Variants in HS2ST1 observed in about 807,000 individuals in gnomAD.
The protein encoded by HS2ST1 is heparan sulfate 2-O-sulfotransferase 1.
Under a neutral mutation model 42.9 loss-of-function variants are expected in HS2ST1, and 18 were observed. The ratio of observed to expected loss-of-function variants is 0.42; its 90% CI spans 0.29 to 0.62. The LOEUF is 0.62. HS2ST1 is among the 20% of genes least tolerant of loss of function. HS2ST1 has a pLI of 0.21. For synonymous variants in HS2ST1, 146 were observed against 152.9 expected (o/e 0.95, Z 0.33); for missense variants, 334 against 433.8 (o/e 0.77, Z 2.04).
intron 1 of HS2ST1, among the ~76,000 whole-genome samples, chr1:87,016,480 T>C (rs1423886534): frequency 6.6e-6 from 1 of 152,184 alleles, no homozygotes. Flanking sequence ...CCTTTCTCTC[T>C]CTCTCCTGGC....
rs147039703 is a variant in HS2ST1 at position 86,976,704 on chromosome 1, G to GTATATA, written c.124+61556_124+61561dup. Reference sequence around the variant, plus strand: ...AAATCCATCTTTTCTTTATAAAATTGTATATATATATATATATTTTAAATG... The same window carrying GTATATA: ...AAATCCATCTTTTCTTTATAAAATTGTATATATATATATATATATATATTTTAAATG... On this transcript the variant is annotated intron_variant, in intron 1 of 6. Transcript: ENST00000370550. Among the ~76,000 whole-genome samples, 373 of 79,696 alleles carry GTATATA rather than the reference G, an allele frequency of 4.7e-3. 24 individuals carry two copies. The highest frequency in any genetic ancestry group is 0.011 in the African/African-American group (309 of 28,286). 52.3% of individuals were successfully genotyped at this position (79,696 alleles called of 152,430 possible).
chr1:86,962,526 C>G (rs1291677161), intron 1 of HS2ST1, among the ~76,000 whole-genome samples: 5 of 152,208 alleles, frequency 3.3e-5, no homozygotes, highest in African/African-American at 1.2e-4. Flanking sequence ...AGAATCGAGC[C>G]TCCCCTTGAA....
At chr1:86,969,490 A>G (rs1648166106) in intron 1 of HS2ST1, among the ~76,000 whole-genome samples, 1 of 152,168 alleles carries the variant, frequency 6.6e-6, no homozygotes. Flanking sequence ...GGTTGGAATG[A>G]TCTAATGGTT....
chr1:87,077,725 A>G (rs971336991), intron 2 of HS2ST1, among the ~76,000 whole-genome samples: 1 of 152,228 alleles, frequency 6.6e-6, no homozygotes, highest in African/African-American at 2.4e-5. Context: ...AGTAGAAACT[A>G]TACATTTTTT....
chr1:87,065,439 C>G (rs1007371411), intron 1 of HS2ST1, among the ~76,000 whole-genome samples: 2 of 152,210 alleles, frequency 1.3e-5, no homozygotes, highest in African/African-American at 4.8e-5. Flanking sequence ...TTGATTTCTA[C>G]TTGCCTTTGA....
chr1:86,925,153 A>G lies in HS2ST1; in HGVS notation c.124+9993A>G, dbSNP rs184304605. On this transcript the variant is annotated intron_variant, in intron 1 of 6. Coordinates refer to ENST00000370550, the MANE Select transcript of HS2ST1 (RefSeq NM_012262.4). The stretch of plus-strand genomic sequence containing the variant: ...AAATGCTGCCAGTCTCTTTTCTAAA[A>G]CATAACAAGAGCCACCTTTGCTCCA... Among the ~76,000 whole-genome samples, 315 of 152,266 alleles carry G rather than the reference A, an allele frequency of 2.1e-3. 1 individual carries two copies. The highest frequency in any genetic ancestry group is 6.8e-3 in the Middle Eastern group (2 of 294).
intron 1 of HS2ST1, among the ~76,000 whole-genome samples, chr1:86,920,557 G>A (rs1660270944): frequency 6.6e-6 from 1 of 152,134 alleles, no homozygotes; most frequent in African/African-American, 2.4e-5. Flanking sequence ...ACCTGAAATA[G>A]TTGATCTCAA....
In HS2ST1 at chr1:87,025,056, C is replaced by A. The variant is rs1323946469; in HGVS notation, c.125-47878C>A. Among the ~76,000 whole-genome samples, 3 of 152,190 alleles carry A rather than the reference C, an allele frequency of 2.0e-5. No individual in the cohort carries two copies. The East Asian group carries it at 5.8e-4, about 29-fold the overall frequency. On this transcript the variant is annotated intron_variant, in intron 1 of 6. Coordinates refer to ENST00000370550, the MANE Select transcript of HS2ST1 (RefSeq NM_012262.4). The stretch of plus-strand genomic sequence containing the variant: ...TAAAACAGAAATTCACTATGCATTT[C>A]AGTGAGGGACTATAACATAGAGAAT...
chr1:86,993,077 T>G (rs761211159), intron 1 of HS2ST1: 28 of 1,594,430 alleles, frequency 1.8e-5, no homozygotes, highest in Non-Finnish European at 2.2e-5. Context: ...AAGTCTTTCC[T>G]GTACATGCTG....
At chr1:87,007,090 A>G (rs1022477540) in intron 1 of HS2ST1, among the ~76,000 whole-genome samples, 1 of 152,090 alleles carries the variant, frequency 6.6e-6, no homozygotes, top group Non-Finnish European at 1.5e-5. Flanking sequence ...CAAGTTCTGT[A>G]TAGATTATAC....
At chr1:86,917,518 C>CAAA (rs5775926) in intron 1 of HS2ST1, among the ~76,000 whole-genome samples, 12,605 of 131,278 alleles carry the variant, frequency 0.096, 623 homozygotes, top group Non-Finnish European at 0.13. Flanking sequence ...GACTCAGTCT[C>CAAA]AAAAAAAAAA....
chr1:87,087,544 G>A (rs890140955), intron 3 of HS2ST1, among the ~76,000 whole-genome samples: 1 of 151,960 alleles, frequency 6.6e-6, no homozygotes, highest in Non-Finnish European at 1.5e-5. Context: ...GCTATGTCAC[G>A]ACAAGAAACA....
intron 1 of HS2ST1, among the ~76,000 whole-genome samples, chr1:86,976,698 A>G (rs940951586): frequency 4.6e-5 from 6 of 130,714 alleles, no homozygotes; most frequent in African/African-American, 1.7e-4. Context: ...TTTTCTTTAT[A>G]AAATTGTATA....
intron 1 of HS2ST1, among the ~76,000 whole-genome samples, chr1:86,948,852 G>A (rs532280312): frequency 1.3e-5 from 2 of 152,170 alleles, no homozygotes; most frequent in African/African-American, 4.8e-5. Flanking sequence ...GTTCAAGAGA[G>A]CTCTGCTATA....
At chr1:86,930,529 G>A (rs980843994) in intron 1 of HS2ST1, among the ~76,000 whole-genome samples, 2 of 151,796 alleles carry the variant, frequency 1.3e-5, no homozygotes, top group Admixed American at 6.6e-5. Flanking sequence ...TTAAGCATAC[G>A]TTAGTCTGGG....
At chr1:87,062,812 T>C (rs1651149798) in intron 1 of HS2ST1, among the ~76,000 whole-genome samples, 1 of 152,208 alleles carries the variant, frequency 6.6e-6, no homozygotes, top group Admixed American at 6.5e-5. Flanking sequence ...GGTATACGAT[T>C]ATTTTATTTC....
intron 1 of HS2ST1, among the ~76,000 whole-genome samples, chr1:87,068,627 T>G (rs1651314596): frequency 6.6e-6 from 1 of 152,196 alleles, no homozygotes; most frequent in Non-Finnish European, 1.5e-5. Context: ...GGCATCTTTG[T>G]CTTGCACCGG....
At chr1:86,929,291 A>T (rs534136215) in intron 1 of HS2ST1, among the ~76,000 whole-genome samples, 12 of 151,962 alleles carry the variant, frequency 7.9e-5, no homozygotes, top group African/African-American at 2.9e-4. Flanking sequence ...TTGGTGCTGT[A>T]GTTTTTCCCA....
At chr1:86,986,938 C>G (rs549741405) in intron 1 of HS2ST1, among the ~76,000 whole-genome samples, 1 of 152,166 alleles carries the variant, frequency 6.6e-6, no homozygotes, top group East Asian at 1.9e-4. Flanking sequence ...CTGTCATGAC[C>G]TTTGCATTTT....
Sources: allele counts gnomAD v4.1 joint callset (sites outside exome capture counted in the v4.1 genomes callset), GRCh38; gene constraint gnomAD v4.1.1; transcripts MANE v1.5; gene names NCBI Gene and HGNC (gene_info 2026-07-23, HGNC 2026-07-21).